THOC1: variants seen among roughly 807,000 people sequenced by gnomAD.
THOC1 encodes the protein THO complex 1.
Under a neutral mutation model 97.3 loss-of-function variants are expected in THOC1, and 29 were observed. The ratio of observed to expected loss-of-function variants is 0.30; its 90% confidence interval spans 0.22 to 0.41. The LOEUF is 0.41. Ranked by LOEUF, THOC1 falls within the 10% of genes least tolerant of loss-of-function variation. The probability of loss-of-function intolerance (pLI) is 1.00; values close to 1 mark genes in which losing one functional copy is unlikely to be tolerated. For synonymous variants in THOC1, 255 were observed against 257.0 expected (o/e 0.99, Z 0.07); for missense variants, 529 against 761.9 (o/e 0.69, Z 3.60).
rs1280754536 is a variant in THOC1 at position 260,321 on chromosome 18, A to C, written c.257-17T>G. ...TACAAATACCTTCAAGTGGAGCACA[A>C]GCCAATTTAAAAGTTTAAAAAACTG... On this transcript the variant is annotated splice_polypyrimidine_tract_variant and intron_variant, in intron 4 of 20. Coordinates refer to ENST00000261600, the MANE Select transcript of THOC1 (RefSeq NM_005131.3). 6.8e-7 allele frequency: 1 copy of C among 1,464,590 alleles called. No homozygotes were observed. Among genetic ancestry groups the C allele is most frequent in the East Asian group, 2.5e-5 (1 of 39,268 alleles). 90.7% of individuals were successfully genotyped at this position (1,464,590 alleles called of 1,614,324 possible).
chr18:240,071 T>A (rs1405933506), intron 11 of THOC1, among the ~76,000 whole-genome samples: 4 of 152,214 alleles, frequency 2.6e-5, no homozygotes, highest in African/African-American at 7.2e-5. Context: ...TTCTAGAGGA[T>A]CTAAAATTTG....
chr18:232,221 C>G (rs1911507566), intron 11 of THOC1, among the ~76,000 whole-genome samples: 1 of 152,140 alleles, frequency 6.6e-6, no homozygotes, highest in Non-Finnish European at 1.5e-5. Context: ...TCAGCCTCCC[C>G]TGTAGCTGGG....
chr18:259,844 T>C (rs747830315), intron 5 of THOC1, 114 bp from the exon 6 acceptor site: 23 of 677,220 alleles, frequency 3.4e-5, no homozygotes, highest in East Asian at 2.3e-4. Context: ...GAATCTACTA[T>C]GCCACTTTCA....
rs28407306 is a variant in THOC1, at chr18:236,244, T to A, written c.919-9343A>T. 7.5e-3 allele frequency among the ~76,000 whole-genome samples: 1,148 copies of A among 152,296 alleles called. 11 individuals carry two copies. Among genetic ancestry groups the A allele is most frequent in the African/African-American group, 0.026 (1,080 of 41,578 alleles). The stretch of plus-strand genomic sequence containing the variant: ...CAATTTATTAAATTTTGTGTTCTTT[T>A]ATTTTCCATGTAAGTTTTAAGCTTC... On this transcript the variant is annotated intron_variant, in intron 11 of 20. Transcript: ENST00000261600.
intron 4 of THOC1, chr18:261,050 T>C (rs1311412298): frequency 1.3e-5 from 2 of 152,300 alleles, no homozygotes; most frequent in African/African-American, 4.8e-5. Flanking sequence ...GAAAAGATTA[T>C]CTTCAAAAAA....
At chr18:247,273 G>A (rs866963859) in intron 10 of THOC1, among the ~76,000 whole-genome samples, 6 of 152,160 alleles carry the variant, frequency 3.9e-5, no homozygotes, top group South Asian at 2.1e-4. Flanking sequence ...GACAAAAAAG[G>A]ACAACTGATC....
At chr18:224,238 G>A in intron 15 of THOC1, 59 bp from the exon 16 acceptor site, 1 of 1,261,376 alleles carries the variant, frequency 7.9e-7, no homozygotes, top group Non-Finnish European at 1.1e-6. Flanking sequence ...AGAAATAGAA[G>A]AATGTTTAAC....
intron 3 of THOC1, among the ~76,000 whole-genome samples, 172 bp from the exon 4 acceptor site, chr18:264,264 A>G (rs1213899154): frequency 6.6e-6 from 1 of 152,238 alleles, no homozygotes; most frequent in Admixed American, 6.5e-5. Context: ...TAACAGTAAC[A>G]TATAGAATCA....
intron 1 of THOC1, among the ~76,000 whole-genome samples, chr18:266,991 T>C (rs1598310133): frequency 7.1e-6 from 1 of 141,438 alleles, no homozygotes; most frequent in East Asian, 2.0e-4. Flanking sequence ...TGTGTGTATA[T>C]ATATATTATA....
rs1912361597 is a variant in THOC1 at position 254,003 on chromosome 18, T to G, written c.603+270A>C. On this transcript the variant is annotated intron_variant, in intron 8 of 20. Coordinates refer to ENST00000261600, the MANE Select transcript of THOC1 (RefSeq NM_005131.3). This position sits in a 1 kb window ranked among gnomAD's most constrained non-coding sequence, Gnocchi z 4.1. ...AAGGCTCACTGCAGCTTGACCTCCCTGGGCTGAGGCGATTCTCCCACCTCA... is the reference window on the plus strand; with the variant it reads ...AAGGCTCACTGCAGCTTGACCTCCCGGGGCTGAGGCGATTCTCCCACCTCA... Among the ~76,000 whole-genome samples the G allele has an allele frequency of 6.6e-6, 1 of 151,208 alleles. No individual in the cohort carries two copies. Among genetic ancestry groups the G allele is most frequent in the Admixed American group, 6.6e-5 (1 of 15,104 alleles).
intron 11 of THOC1, among the ~76,000 whole-genome samples, chr18:239,956 A>G (rs1181433971): frequency 2.0e-5 from 3 of 148,878 alleles, no homozygotes; most frequent in Non-Finnish European, 4.5e-5. Flanking sequence ...TCCTCATCAG[A>G]GAACATTTTC....
In THOC1 at chr18:246,469, A is replaced by G; in HGVS notation, c.787-14T>C. On this transcript the variant is annotated splice_polypyrimidine_tract_variant and intron_variant, in intron 10 of 20. Transcript: ENST00000261600. ...TTCTTCAGAATACTGCAAAATAAAA[A>G]TATTAGTTTTATTCGACATTGTTAC... The G allele has an allele frequency of 2.6e-6, 4 of 1,557,410 alleles. No individual in the cohort carries two copies. The highest frequency in any genetic ancestry group is 3.5e-6 in the Non-Finnish European group (4 of 1,150,326).
Position 254,473 on chromosome 18 carries a change from A to G in THOC1, c.521-118T>C, listed in dbSNP as rs1338492624. ...AATCCATAAAGAGCAGTCAAAATTAACACATTTGATTTTCAAATCCTTTCA... is the reference window on the plus strand; with the variant it reads ...AATCCATAAAGAGCAGTCAAAATTAGCACATTTGATTTTCAAATCCTTTCA... On this transcript the variant is annotated intron_variant, in intron 7 of 20. Transcript: ENST00000261600. The surrounding 1 kb of genome is among the most constrained non-coding windows in gnomAD (Gnocchi z 4.1). 6.1e-6 allele frequency: 4 copies of G among 656,102 alleles called. No homozygotes were observed. The Admixed American group carries it at 7.9e-5, about 13-fold the overall frequency. 40.6% of individuals were successfully genotyped at this position (656,102 alleles called of 1,614,324 possible).
intron 17 of THOC1, among the ~76,000 whole-genome samples, chr18:221,758 G>T (rs1041426443): frequency 2.6e-5 from 4 of 151,988 alleles, no homozygotes; most frequent in Admixed American, 6.5e-5. Context: ...ACAGGCGCCT[G>T]CCACCACACT....
chr18:266,104 G>A (rs901957939), intron 1 of THOC1, among the ~76,000 whole-genome samples: 2 of 152,174 alleles, frequency 1.3e-5, no homozygotes, highest in African/African-American at 2.4e-5. Flanking sequence ...TCCCTGACAC[G>A]TAGCACTCAA....
chr18:235,309 C>G (rs906196688), intron 11 of THOC1, among the ~76,000 whole-genome samples: 9 of 152,084 alleles, frequency 5.9e-5, no homozygotes, highest in African/African-American at 1.4e-4. Context: ...CAAAGAAACA[C>G]TTTCAGTTTT....
chr18:252,444 T>C, intron 9 of THOC1, 95 bp downstream of exon 9: 1 of 933,954 alleles, frequency 1.1e-6, no homozygotes. Flanking sequence ...TTATAATTTC[T>C]TTCCTCCTTG....
At position 214,748 on chromosome 18, in the gene THOC1, C is replaced by T; in HGVS notation, c.1852G>A (p.Val618Ile). The change falls in exon 21 of 21, where the codon GTT (valine) becomes ATT (isoleucine). Residue 618 changes from valine to isoleucine, a missense_variant. Val to Ile is a conservative substitution (Grantham distance 29). Coordinates refer to ENST00000261600, the MANE Select transcript of THOC1 (RefSeq NM_005131.3). ...DMKMRAKQLLVAWQDQEGVHA... is the reference protein window; with the variant it reads ...DMKMRAKQLLIAWQDQEGVHA... ...ACTCCCTCTTGATCTTGCCAGGCAACCAGGAGCTGCTTAGCTCTCATCTTC... is the reference window on the plus strand; with the variant it reads ...ACTCCCTCTTGATCTTGCCAGGCAATCAGGAGCTGCTTAGCTCTCATCTTC... The T allele has an allele frequency of 1.2e-6, 2 of 1,613,948 alleles. No homozygotes were observed. Among genetic ancestry groups the T allele is most frequent in the Non-Finnish European group, 8.5e-7 (1 of 1,179,874 alleles).
intron 7 of THOC1, among the ~76,000 whole-genome samples, chr18:257,427 A>G (rs2143288342): frequency 6.6e-6 from 1 of 152,388 alleles, no homozygotes; most frequent in African/African-American, 2.4e-5. Context: ...AAACAGATCT[A>G]CTGGTGCTGG....
Sources: gnomAD v4.1 joint callset for allele counts (sites outside exome capture counted in the v4.1 genomes callset) on GRCh38, gnomAD v4.1.1 for gene constraint, Gnocchi (gnomAD v3.1) non-coding constraint, MANE v1.5 for transcripts, NCBI Gene and HGNC (gene_info 2026-07-23, HGNC 2026-07-21) for gene names.